The following DNAJC3 variants were observed in gnomAD, a reference collection of about 807,000 sequenced individuals.
The protein encoded by DNAJC3 is dnaJ homolog subfamily C member 3.
DNAJC3 carries 38 observed loss-of-function variants against 68.6 expected under a neutral mutation model. That is an observed-to-expected ratio of 0.55 (90% CI 0.43 to 0.73). DNAJC3 has a LOEUF of 0.73. DNAJC3 is among the 30% of genes least tolerant of loss of function. The probability of loss-of-function intolerance (pLI) is 0.00; values close to 1 mark genes in which losing one functional copy is unlikely to be tolerated. For missense variants in DNAJC3, 526 were observed against 591.9 expected, an observed-to-expected ratio of 0.89 and a Z score of 1.16; for synonymous variants, 203 against 204.0, an observed-to-expected ratio of 1.00 and a Z score of 0.04.
At chr13:95,777,522 T>A (rs923662371) in intron 9 of DNAJC3, among the ~76,000 whole-genome samples, 1 of 152,234 alleles carries the variant, frequency 6.6e-6, no homozygotes, top group Non-Finnish European at 1.5e-5. Context: ...TCATTAGCTA[T>A]AATTTTTTCT....
At chr13:95,741,288 G>A (rs1184692373) in intron 4 of DNAJC3, among the ~76,000 whole-genome samples, 5 of 152,186 alleles carry the variant, frequency 3.3e-5, no homozygotes, top group African/African-American at 1.2e-4. Flanking sequence ...GATTCTTGGT[G>A]TATGTAGTAG....
At chr13:95,725,489 T>C (rs1024507457) in intron 4 of DNAJC3, among the ~76,000 whole-genome samples, 1 of 152,140 alleles carries the variant, frequency 6.6e-6, no homozygotes, top group African/African-American at 2.4e-5. Context: ...CCAATAGATA[T>C]ATAATCTTAA....
intron 1 of DNAJC3, among the ~76,000 whole-genome samples, chr13:95,706,637 G>T (rs1193908167): frequency 1.3e-5 from 2 of 152,148 alleles, no homozygotes; most frequent in African/African-American, 4.8e-5. Context: ...GCTGTCCTCA[G>T]GTTTTTAAGC....
intron 2 of DNAJC3, among the ~76,000 whole-genome samples, chr13:95,716,229 A>G (rs1398412132): frequency 1.3e-5 from 2 of 152,218 alleles, no homozygotes; most frequent in African/African-American, 2.4e-5. Context: ...GAGGGTTTTC[A>G]TATCTCCCTT....
In DNAJC3 at chr13:95,677,349, C is replaced by A; in HGVS notation, c.82+12C>A. On this transcript the variant is annotated intron_variant, in intron 1 of 11. Transcript: ENST00000602402. ...TCTGCAGTACGAAGGTGAGTCCTGC[C>A]CTGCCCCGGCCAGGAAGTGGGCTCC... 1 of 1,578,274 alleles carries A rather than the reference C, an allele frequency of 6.3e-7. No homozygotes were observed. The highest frequency in any genetic ancestry group is 8.6e-7 in the Non-Finnish European group (1 of 1,163,284).
At chr13:95,696,836 C>G (rs1053928976) in intron 1 of DNAJC3, among the ~76,000 whole-genome samples, 1 of 152,006 alleles carries the variant, frequency 6.6e-6, no homozygotes, top group Non-Finnish European at 1.5e-5. Flanking sequence ...AGCTCTGCCT[C>G]CTGGGTTCAT....
Position 95,683,932 on chromosome 13 carries a change from C to CAAA in DNAJC3, c.82+6612_82+6614dup, listed in dbSNP as rs33918497. On this transcript the variant is annotated intron_variant, in intron 1 of 11. Transcript: ENST00000602402. ...TGGGTGACAGAGCAAAACTCCATCT[C>CAAA]AAAAAAAAAAAAAAAAAAATTACCC... Among the ~76,000 whole-genome samples the CAAA allele has an allele frequency of 4.3e-3, 499 of 117,282 alleles. 14 individuals are homozygous for CAAA. Among genetic ancestry groups the CAAA allele is most frequent in the South Asian group, 0.027 (94 of 3,474 alleles). The allele number at this position is 117,282 out of a possible 152,430, so 76.9% of individuals were successfully genotyped here.
chr13:95,724,979 G>A (rs1290353736), intron 3 of DNAJC3, among the ~76,000 whole-genome samples, 199 bp from the exon 4 acceptor site: 2 of 152,044 alleles, frequency 1.3e-5, no homozygotes, highest in East Asian at 1.9e-4. Flanking sequence ...AGAACAAAAA[G>A]TATTTTTAAG....
intron 1 of DNAJC3, chr13:95,694,756 T>A (rs1255766015): frequency 6.6e-6 from 1 of 152,662 alleles, no homozygotes. Flanking sequence ...TTAACTGCTT[T>A]CTCTTCAGTT....
intron 4 of DNAJC3, among the ~76,000 whole-genome samples, chr13:95,740,674 G>A (rs1350458575): frequency 3.3e-5 from 5 of 152,086 alleles, no homozygotes; most frequent in Non-Finnish European, 5.9e-5. Flanking sequence ...TTCGGCTCGC[G>A]CACGGTGCAC....
rs2139706193 is a variant in DNAJC3, at chr13:95,793,515, A to AATC, written c.*2486_*2488dup. The AATC allele has an allele frequency of 7.4e-6, 1 of 134,646 alleles. No individual in the cohort carries two copies. Among genetic ancestry groups the AATC allele is most frequent in the Non-Finnish European group, 1.5e-5 (1 of 65,114 alleles). The allele number at this position is 134,646 out of a possible 1,614,324, so 8.3% of individuals were successfully genotyped here. A position where few individuals can be genotyped will look rare whatever the true frequency, so the allele number is the denominator to read the frequency against. On this transcript the variant is annotated 3_prime_UTR_variant, in exon 12 of 12. Transcript: ENST00000602402. ...TTTTTTTTTTTTTTTTTTGAGACAG[A>AATC]ATCTTGCTCTGTTGCCCAGGCTGGA... is the stretch of plus-strand genomic sequence containing the variant.
Position 95,793,687 on chromosome 13 carries a change from C to G in DNAJC3, c.*2657C>G, listed in dbSNP as rs561175776. The stretch of plus-strand genomic sequence containing the variant: ...CTGTGTTAGCCAGGATGGTCTTGAT[C>G]TCCTGACCTTGTGATCTGCCCGCCT... On this transcript the variant is annotated 3_prime_UTR_variant, in exon 12 of 12. Coordinates refer to ENST00000602402, the MANE Select transcript of DNAJC3 (RefSeq NM_006260.5). 6.6e-6 allele frequency: 1 copy of G among 152,420 alleles called. No homozygotes were observed. The highest frequency in any genetic ancestry group is 1.5e-5 in the Non-Finnish European group (1 of 68,356). The allele number at this position is 152,420 out of a possible 1,614,324, so 9.4% of individuals were successfully genotyped here. A position where few individuals can be genotyped will look rare whatever the true frequency, so the allele number is the denominator to read the frequency against.
At chr13:95,709,938 C>A (rs1177499169) in intron 2 of DNAJC3, among the ~76,000 whole-genome samples, 1 of 152,154 alleles carries the variant, frequency 6.6e-6, no homozygotes, top group African/African-American at 2.4e-5. Flanking sequence ...TGCGCCCGGC[C>A]AGCTTCTGAC....
rs770704282 is a variant in DNAJC3 at position 95,720,805 on chromosome 13, GA to G, written c.194-2432del. On this transcript the variant is annotated intron_variant, in intron 2 of 11. Coordinates refer to ENST00000602402, the MANE Select transcript of DNAJC3 (RefSeq NM_006260.5). ...CATATATTTTTATTTTTAGATTTAA[GA>G]AAAAGAAGGTTTTTTTTTGTTGTTA... 5.7e-4 allele frequency among the ~76,000 whole-genome samples: 86 copies of G among 151,590 alleles called. 1 individual carries two copies. The highest frequency in any genetic ancestry group is 2.2e-3 in the Admixed American group (33 of 15,232).
chr13:95,740,316 C>T (rs1465634135), intron 4 of DNAJC3, among the ~76,000 whole-genome samples: 2 of 152,378 alleles, frequency 1.3e-5, no homozygotes, highest in African/African-American at 2.4e-5. Context: ...AGGCAGGCCT[C>T]CTTGAGCTGT....
intron 10 of DNAJC3, among the ~76,000 whole-genome samples, chr13:95,786,510 C>T (rs1399540544): frequency 6.6e-6 from 1 of 152,182 alleles, no homozygotes; most frequent in Non-Finnish European, 1.5e-5. Flanking sequence ...GTAAATGATA[C>T]ACCTCCCAGT....
intron 1 of DNAJC3, among the ~76,000 whole-genome samples, chr13:95,678,342 A>G (rs1327698031): frequency 6.6e-6 from 1 of 152,202 alleles, no homozygotes; most frequent in African/African-American, 2.4e-5. Flanking sequence ...AATTGTTTAT[A>G]GTGAATTCTT....
intron 1 of DNAJC3, among the ~76,000 whole-genome samples, chr13:95,707,522 C>T (rs1414087147): frequency 1.3e-5 from 2 of 152,080 alleles, no homozygotes; most frequent in African/African-American, 2.4e-5. Context: ...CTCCCATTGG[C>T]GAGGAACTTA....
At chr13:95,725,460 G>A (rs1029388663) in intron 4 of DNAJC3, among the ~76,000 whole-genome samples, 1 of 152,138 alleles carries the variant, frequency 6.6e-6, no homozygotes, top group African/African-American at 2.4e-5. Flanking sequence ...CCTGTTAACA[G>A]TTGGAAGGTA....
Sources: allele counts gnomAD v4.1 joint callset (sites outside exome capture counted in the v4.1 genomes callset), GRCh38; gene constraint gnomAD v4.1.1; transcripts MANE v1.5; gene names NCBI Gene and HGNC (gene_info 2026-07-23, HGNC 2026-07-21).